RABGAP1L: variants seen among roughly 807,000 people sequenced by gnomAD.
The protein encoded by RABGAP1L is RAB GTPase activating protein 1 like.
A neutral mutation model predicts 137.7 loss-of-function variants in RABGAP1L; 63 were observed. The observed-to-expected ratio is 0.46, with a 90% CI of 0.37 to 0.56. RABGAP1L has a LOEUF of 0.56. Ranked by LOEUF, RABGAP1L falls within the 20% of genes least tolerant of loss-of-function variation. RABGAP1L has a pLI of 0.00. For synonymous variants in RABGAP1L, 431 were observed against 433.7 expected, an observed-to-expected ratio of 0.99 and a Z score of 0.08; for missense variants, 1,095 against 1,244.0, an observed-to-expected ratio of 0.88 and a Z score of 1.80.
chr1:174,419,844 T>C (rs1199694700), intron 13 of RABGAP1L, among the ~76,000 whole-genome samples: 4 of 152,316 alleles, frequency 2.6e-5, no homozygotes, highest in East Asian at 1.9e-4. Context: ...GATGATTCTT[T>C]TGAATGTTTT....
intron 11 of RABGAP1L, among the ~76,000 whole-genome samples, chr1:174,364,476 G>A (rs1175302583): frequency 1.3e-5 from 2 of 151,026 alleles, no homozygotes; most frequent in African/African-American, 2.4e-5. Context: ...GGATGGTCTC[G>A]ATCTCCTGAC....
chr1:174,619,269 G>T (rs1208517477), intron 13 of RABGAP1L, among the ~76,000 whole-genome samples: 1 of 152,136 alleles, frequency 6.6e-6, no homozygotes, highest in Non-Finnish European at 1.5e-5. Context: ...GCAACATTCA[G>T]ATTCAGGAAA....
chr1:174,605,497 T>C (rs1670719427), intron 13 of RABGAP1L, among the ~76,000 whole-genome samples: 1 of 152,180 alleles, frequency 6.6e-6, no homozygotes. Flanking sequence ...AGGATTATAC[T>C]TGTAAAGCCT....
intron 11 of RABGAP1L, among the ~76,000 whole-genome samples, chr1:174,318,252 T>C (rs73036674): frequency 0.018 from 2,693 of 152,244 alleles, 82 homozygotes; most frequent in African/African-American, 0.062. Context: ...TTGTCTCTTT[T>C]TACACTTTTG....
At chr1:174,529,839 A>G (rs1400552315) in intron 13 of RABGAP1L, among the ~76,000 whole-genome samples, 2 of 151,928 alleles carry the variant, frequency 1.3e-5, no homozygotes, top group Non-Finnish European at 2.9e-5. Flanking sequence ...TGTTAGTTGT[A>G]GTGGTATTAG....
At chr1:174,841,707 A>G (rs1284420319) in intron 19 of RABGAP1L, among the ~76,000 whole-genome samples, 1 of 152,092 alleles carries the variant, frequency 6.6e-6, no homozygotes, top group East Asian at 1.9e-4. Context: ...ATAAAAATAG[A>G]AAAGAAGAGA....
chr1:174,541,410 T>C (rs1311314946), intron 13 of RABGAP1L, among the ~76,000 whole-genome samples: 1 of 152,220 alleles, frequency 6.6e-6, no homozygotes, highest in African/African-American at 2.4e-5. Context: ...CCATTCAGTA[T>C]GATATTGGCT....
chr1:174,671,149 A>C (rs545771642), intron 14 of RABGAP1L, among the ~76,000 whole-genome samples: 112 of 152,326 alleles, frequency 7.4e-4, no homozygotes, highest in African/African-American at 2.3e-3. Context: ...AGTGCATAGA[A>C]ATGCTACTAA....
intron 13 of RABGAP1L, among the ~76,000 whole-genome samples, chr1:174,394,932 T>A (rs1647634504): frequency 6.6e-6 from 1 of 150,694 alleles, no homozygotes; most frequent in South Asian, 2.1e-4. Flanking sequence ...CTAGTATAAT[T>A]ATCACTGCTG....
At chr1:174,395,934 T>C (rs1290455546) in intron 13 of RABGAP1L, among the ~76,000 whole-genome samples, 1 of 152,030 alleles carries the variant, frequency 6.6e-6, no homozygotes, top group Non-Finnish European at 1.5e-5. Context: ...GAAAAAATGA[T>C]GTACGTCTAC....
intron 10 of RABGAP1L, among the ~76,000 whole-genome samples, chr1:174,287,967 C>A (rs1210113420): frequency 6.6e-6 from 1 of 151,792 alleles, no homozygotes; most frequent in East Asian, 1.9e-4. Context: ...GCTTTTATTT[C>A]TTTCTATTAA....
chr1:174,769,681 G>T (rs1173598081), intron 18 of RABGAP1L, among the ~76,000 whole-genome samples: 2 of 152,134 alleles, frequency 1.3e-5, no homozygotes, highest in African/African-American at 4.8e-5. Context: ...CAGGAGGGGA[G>T]TTGGCTAGAT....
chr1:174,377,662 T>A (rs1049085520), intron 12 of RABGAP1L, among the ~76,000 whole-genome samples: 2 of 151,866 alleles, frequency 1.3e-5, no homozygotes, highest in Admixed American at 1.3e-4. Flanking sequence ...AGATACCACT[T>A]CATACCCACT....
intron 13 of RABGAP1L, among the ~76,000 whole-genome samples, chr1:174,615,908 C>T (rs767312051): frequency 5.3e-5 from 8 of 152,188 alleles, no homozygotes; most frequent in Admixed American, 1.3e-4. Context: ...TCTCCTGGTG[C>T]GCCGTTTTTT....
intron 15 of RABGAP1L, among the ~76,000 whole-genome samples, chr1:174,696,266 A>G (rs1469263435): frequency 6.6e-6 from 1 of 152,014 alleles, no homozygotes; most frequent in African/African-American, 2.4e-5. Context: ...CTCAAGTTGC[A>G]GGACAAAGTC....
At chr1:174,984,057 CAAAAAAA>C (rs1163719976) in intron 24 of RABGAP1L, among the ~76,000 whole-genome samples, 3 of 115,042 alleles carry the variant, frequency 2.6e-5, no homozygotes, top group East Asian at 2.5e-4. Context: ...TTTCTTCTAA[CAAAAAAA>C]AAAAAAAAAA....
intron 10 of RABGAP1L, among the ~76,000 whole-genome samples, chr1:174,299,028 TTC>T (rs1677403064): frequency 1.3e-5 from 2 of 152,232 alleles, no homozygotes; most frequent in Admixed American, 6.5e-5. Context: ...GAAACGTGAT[TTC>T]TCTCTGTCTA....
chr1:174,712,037 G>A (rs1001304034), intron 17 of RABGAP1L, among the ~76,000 whole-genome samples: 2 of 152,212 alleles, frequency 1.3e-5, no homozygotes, highest in African/African-American at 4.8e-5. Flanking sequence ...GATTGTATAT[G>A]CACCAGTCAG....
chr1:174,346,662 TTTTG>T (rs1682460316), intron 11 of RABGAP1L, among the ~76,000 whole-genome samples: 1 of 152,032 alleles, frequency 6.6e-6, no homozygotes, highest in Non-Finnish European at 1.5e-5. Flanking sequence ...GTTCTATCAA[TTTTG>T]TTTATCTTTT....
Sources: gnomAD v4.1 joint callset for allele counts (sites outside exome capture counted in the v4.1 genomes callset) on GRCh38, gnomAD v4.1.1 for gene constraint, MANE v1.5 for transcripts, NCBI Gene and HGNC (gene_info 2026-07-23, HGNC 2026-07-21) for gene names.